The following LOXHD1 variants were observed in gnomAD, a reference collection of about 807,000 sequenced individuals.
LOXHD1 encodes the protein lipoxygenase homology PLAT domains 1, also known as lipoxygenase homology domain-containing protein 1.
LOXHD1 carries 205 observed loss-of-function variants against 248.2 expected under a neutral mutation model. The observed-to-expected ratio is 0.83, with a 90% CI of 0.74 to 0.93. The LOEUF (loss-of-function observed/expected upper bound fraction) is 0.93, where lower values mean the gene tolerates loss of function less well. LOXHD1 is among the 40% of genes least tolerant of loss of function. LOXHD1 has a pLI of 0.00. For missense variants in LOXHD1, 2,930 were observed against 2,971.6 expected, an observed-to-expected ratio of 0.99 and a Z score of 0.33; for synonymous variants, 1,113 against 1,162.8, an observed-to-expected ratio of 0.96 and a Z score of 0.87.
rs727504988 is a variant in LOXHD1 at position 46,505,976 on chromosome 18, C to T, written c.5740G>A (p.Gly1914Arg). The T allele has an allele frequency of 3.0e-5, 47 of 1,552,128 alleles. No homozygotes were observed. Among genetic ancestry groups the T allele is most frequent in the Non-Finnish European group, 3.9e-5 (45 of 1,147,108 alleles). The change falls in exon 37 of 41, where the codon GGG (glycine) becomes AGG (arginine). Residue 1914 changes from glycine to arginine, a missense_variant. Physicochemically the swap from Gly to Arg is moderately radical, Grantham distance 125. Coordinates refer to ENST00000642948, the MANE Select transcript of LOXHD1 (RefSeq NM_001384474.1). ...NVFIIIFGEN[G>R]DSGTLALKQS... ...TTCAGGGCCAGTGTCCCACTATCCC[C>T]GTTCTCCCCGAAGATGATGATGAAC...
chr18:46,483,555 G>T, intron 40 of LOXHD1, 32 bp downstream of exon 40: 1 of 1,551,288 alleles, frequency 6.4e-7, no homozygotes, highest in South Asian at 1.2e-5. Flanking sequence ...CTGAGGGAGT[G>T]GCACTTCCTT....
intron 5 of LOXHD1, among the ~76,000 whole-genome samples, chr18:46,612,936 T>G (rs1043235122): frequency 6.6e-6 from 1 of 152,156 alleles, no homozygotes; most frequent in Non-Finnish European, 1.5e-5. Flanking sequence ...ATTGCTTTAT[T>G]TTGTTTATCC....
intron 20 of LOXHD1, chr18:46,557,978 G>C: frequency 1.9e-6 from 2 of 1,028,112 alleles, no homozygotes; most frequent in Non-Finnish European, 2.3e-6. Context: ...ATTTAGGTGT[G>C]AAGAGGGCCA....
chr18:46,536,316 G>A (rs1263063982), intron 26 of LOXHD1, among the ~76,000 whole-genome samples: 1 of 152,026 alleles, frequency 6.6e-6, no homozygotes, highest in East Asian at 1.9e-4. Context: ...TGAGATAGTG[G>A]CTGAGCCAGA....
At chr18:46,544,790 C>T (rs749523239) in intron 23 of LOXHD1, 22 of 471,024 alleles carry the variant, frequency 4.7e-5, no homozygotes, top group South Asian at 9.3e-5. Context: ...ACCCCATGGT[C>T]AAGGGTTAGG....
intron 37 of LOXHD1, among the ~76,000 whole-genome samples, chr18:46,501,856 G>T (rs1487128046): frequency 2.0e-5 from 3 of 152,182 alleles, no homozygotes; most frequent in Non-Finnish European, 4.4e-5. Context: ...TGCTCATTTT[G>T]TCTCTGAAGA....
Position 46,560,341 on chromosome 18 carries a change from T to A in LOXHD1, c.2803A>T (p.Lys935Ter). 6.4e-7 allele frequency: 1 copy of A among 1,552,322 alleles called. No homozygotes were observed. The highest frequency in any genetic ancestry group is 8.7e-7 in the Non-Finnish European group (1 of 1,147,446). Residue 935 changes from lysine (K) to a stop codon, truncating the protein, a stop_gained, in exon 19 of 41, where the codon AAG (lysine) becomes TAG (stop). Coordinates refer to ENST00000642948, the MANE Select transcript of LOXHD1 (RefSeq NM_001384474.1). LOFTEE classifies it high-confidence loss of function. ...QLLKKERLKAKLQRKKKKRKG... is the reference protein window; with the variant it reads ...QLLKKERLKA ...CTCTTCTTCTTCTTCCTCTGCAGCT[T>A]GGCCTTCAGCCGCTCCTTCTTGAGC...
At chr18:46,608,039 A>AGGAG (rs2038445396) in intron 6 of LOXHD1, among the ~76,000 whole-genome samples, 1 of 140,798 alleles carries the variant, frequency 7.1e-6, no homozygotes, top group Admixed American at 7.1e-5. Context: ...GAAGGAGGGA[A>AGGAG]GGAAGGAAGG....
chr18:46,599,308 C>A (rs1210250432), intron 8 of LOXHD1, among the ~76,000 whole-genome samples: 1 of 152,042 alleles, frequency 6.6e-6, no homozygotes, highest in Non-Finnish European at 1.5e-5. Flanking sequence ...GAATTAGAGC[C>A]TAGGAATCTA....
intron 6 of LOXHD1, among the ~76,000 whole-genome samples, chr18:46,609,370 T>A (rs1474393021): frequency 6.6e-6 from 1 of 152,216 alleles, no homozygotes; most frequent in Non-Finnish European, 1.5e-5. Context: ...TGCACTTGAA[T>A]CTTCTGATCC....
Position 46,597,358 on chromosome 18 carries a change from C to A in LOXHD1, c.1135-2892G>T, listed in dbSNP as rs532942484. On this transcript the variant is annotated intron_variant, in intron 8 of 40. Transcript: ENST00000642948. ...TATCAGTAATTACAATAAATATAAG[C>A]AGACTAAATTTGCCAGTTCAGAGAT... Among the ~76,000 whole-genome samples the A allele has an allele frequency of 5.3e-5, 8 of 152,082 alleles. No individual in the cohort carries two copies. The East Asian group carries it at 1.5e-3, about 29-fold the overall frequency.
Position 46,541,785 on chromosome 18 carries a change from A to C in LOXHD1, c.3904T>G (p.Tyr1302Asp), listed in dbSNP as rs2036570235. The change falls in exon 25 of 41, where the codon TAC becomes GAC. Residue 1302 changes from tyrosine to aspartate, a missense_variant. By Grantham distance (160) the Tyr-to-Asp change is radical. Transcript: ENST00000642948. Reference protein sequence around the residue: ...LFHAELQTRLYTPFVPYEITL... With the variant: ...LFHAELQTRLDTPFVPYEITL... ...CGTGTGTGGTTCCTACATGGTGTGT[A>C]CAGCCTCGTCTGAAGCTCTGCATGG... is the stretch of plus-strand genomic sequence containing the variant. 1 of 1,551,610 alleles carries C rather than the reference A, an allele frequency of 6.4e-7. No individual in the cohort carries two copies.
chr18:46,647,535 T>C (rs948564593), intron 2 of LOXHD1, among the ~76,000 whole-genome samples: 1 of 152,186 alleles, frequency 6.6e-6, no homozygotes, highest in Non-Finnish European at 1.5e-5. Context: ...CCTACAGCAG[T>C]GCACTCTGGG....
rs115042043 is a variant in LOXHD1 at position 46,560,460 on chromosome 18, G to C, written c.2684C>G (p.Thr895Ser). The C allele has an allele frequency of 1.4e-4, 215 of 1,542,276 alleles. 1 individual carries two copies. In the African/African-American group the frequency reaches 2.7e-3, roughly 19 times the overall value. The change falls in exon 19 of 41, where the codon ACC becomes AGC. Residue 895 changes from threonine (T) to serine (S), a missense_variant. Physicochemically the swap from Thr to Ser is moderately conservative, Grantham distance 58 (BLOSUM62 1). Transcript: ENST00000642948. ...CACCACCAGGTGCCGCAGCCACACG[G>C]TGTCCACGAACCAGCTGGGCCCAAA... ...EGFGPSWFVD[T>S]VWLRHLVVRE... is the part of the protein sequence containing the mutation.
At chr18:46,618,562 T>C (rs1046869802) in intron 4 of LOXHD1, among the ~76,000 whole-genome samples, 2 of 152,228 alleles carry the variant, frequency 1.3e-5, no homozygotes, top group African/African-American at 4.8e-5. Flanking sequence ...CATCACTGTA[T>C]GTGATGAATA....
chr18:46,543,765 T>A (rs1157338318), intron 23 of LOXHD1, among the ~76,000 whole-genome samples: 1 of 151,956 alleles, frequency 6.6e-6, no homozygotes, highest in Admixed American at 6.6e-5. Context: ...CGGGAGACAG[T>A]GGTGGAGCTC....
At chr18:46,623,188 T>C (rs541307516) in intron 4 of LOXHD1, among the ~76,000 whole-genome samples, 2 of 152,360 alleles carry the variant, frequency 1.3e-5, no homozygotes, top group African/African-American at 4.8e-5. Flanking sequence ...CAAGACATTT[T>C]ACTGCCATCT....
chr18:46,545,097 T>C (rs2036739909), intron 23 of LOXHD1, among the ~76,000 whole-genome samples: 1 of 152,040 alleles, frequency 6.6e-6, no homozygotes, highest in Non-Finnish European at 1.5e-5. Flanking sequence ...TTGGGTGGAG[T>C]CAGGGCTACC....
Position 46,506,025 on chromosome 18 carries a change from TG to T in LOXHD1, c.5693-3del. On this transcript the variant is annotated splice_region_variant and splice_polypyrimidine_tract_variant and intron_variant, in intron 36 of 40. Coordinates refer to ENST00000642948, the MANE Select transcript of LOXHD1 (RefSeq NM_001384474.1). The stretch of plus-strand genomic sequence containing the variant: ...ACACGTTGGCATCAGTGCCTGCTCC[TG>T]GGGGGTGCACAAGGTGAGGCTTAGG... 2 of 1,552,002 alleles carry T rather than the reference TG, an allele frequency of 1.3e-6. No homozygotes were observed. The highest frequency in any genetic ancestry group is 1.7e-6 in the Non-Finnish European group (2 of 1,146,992).
Sources: gnomAD v4.1 joint callset for allele counts (sites outside exome capture counted in the v4.1 genomes callset) on GRCh38, gnomAD v4.1.1 for gene constraint, MANE v1.5 for transcripts, NCBI Gene and HGNC (gene_info 2026-07-23, HGNC 2026-07-21) for gene names.